Variants in PDE4D observed in about 807,000 individuals in gnomAD.
The protein encoded by PDE4D is phosphodiesterase 4D, also known as 3',5'-cyclic-AMP phosphodiesterase 4D.
A neutral mutation model predicts 87.4 loss-of-function variants in PDE4D; 24 were observed. The observed-to-expected ratio is 0.27, with a 90% CI of 0.20 to 0.39. The LOEUF (loss-of-function observed/expected upper bound fraction) is 0.39. PDE4D is among the 10% of genes least tolerant of loss of function. PDE4D has a pLI of 1.00. For missense variants in PDE4D, 714 were observed against 1,041.0 expected, an observed-to-expected ratio of 0.69 and a Z score of 4.32; for synonymous variants, 384 against 383.2, an observed-to-expected ratio of 1.00 and a Z score of -0.02.
At chr5:59,723,062 T>C (rs1756082036) in intron 1 of PDE4D, among the ~76,000 whole-genome samples, 2 of 152,122 alleles carry the variant, frequency 1.3e-5, no homozygotes, top group South Asian at 2.1e-4. Context: ...GACTCACCTC[T>C]GTGTCAAATA....
At chr5:60,194,771 A>G (rs1156934823) in intron 1 of PDE4D, among the ~76,000 whole-genome samples, 1 of 151,500 alleles carries the variant, frequency 6.6e-6, no homozygotes, top group African/African-American at 2.4e-5. Context: ...CCACTACCAC[A>G]GTCTTCCAGA....
At chr5:59,503,925 C>T (rs1055154353) in intron 1 of PDE4D, among the ~76,000 whole-genome samples, 2 of 152,234 alleles carry the variant, frequency 1.3e-5, no homozygotes, top group Non-Finnish European at 2.9e-5. Flanking sequence ...ATCTGTTATT[C>T]TGTATTCCCA....
chr5:60,396,216 A>C (rs907453089), intron 1 of PDE4D, among the ~76,000 whole-genome samples: 1 of 152,248 alleles, frequency 6.6e-6, no homozygotes, highest in Admixed American at 6.5e-5. Flanking sequence ...GATATGTTAA[A>C]ATAGATGATC....
chr5:60,108,094 G>C (rs1777225988), intron 2 of PDE4D, among the ~76,000 whole-genome samples: 1 of 151,836 alleles, frequency 6.6e-6, no homozygotes, highest in Non-Finnish European at 1.5e-5. Flanking sequence ...CGACATGATT[G>C]TATATCTAGA....
At chr5:58,981,720 A>T (rs764402264) in intron 11 of PDE4D, among the ~76,000 whole-genome samples, 2 of 152,070 alleles carry the variant, frequency 1.3e-5, no homozygotes, top group Non-Finnish European at 2.9e-5. Flanking sequence ...CAAGCACCTC[A>T]GCTGGTCATG....
chr5:59,072,460 C>A (rs777165510), intron 5 of PDE4D, among the ~76,000 whole-genome samples: 2 of 152,164 alleles, frequency 1.3e-5, no homozygotes, highest in Non-Finnish European at 2.9e-5. Context: ...TTTATTTAAT[C>A]CCTCTGTTTT....
intron 1 of PDE4D, among the ~76,000 whole-genome samples, chr5:60,331,954 C>CT (rs1229851027): frequency 6.6e-6 from 1 of 152,188 alleles, no homozygotes; most frequent in African/African-American, 2.4e-5. Context: ...CTCTGAATCT[C>CT]TAACAAGTCC....
intron 1 of PDE4D, among the ~76,000 whole-genome samples, chr5:60,202,937 G>A (rs78308484): frequency 0.029 from 4,399 of 152,258 alleles, 237 homozygotes; most frequent in African/African-American, 0.1. Context: ...GATGTGCAAA[G>A]ATGACAGTCA....
intron 1 of PDE4D, among the ~76,000 whole-genome samples, chr5:59,677,414 A>C (rs1376764147): frequency 6.6e-6 from 1 of 152,196 alleles, no homozygotes; most frequent in African/African-American, 2.4e-5. Context: ...TCATTTTATT[A>C]ACTCTTGTCA....
At chr5:60,470,848 C>G (rs560651322) in intron 1 of PDE4D, among the ~76,000 whole-genome samples, 31 of 152,244 alleles carry the variant, frequency 2.0e-4, no homozygotes, top group South Asian at 1.7e-3. Context: ...CTCAAGAGAT[C>G]TGATGAAGAA....
chr5:59,305,278 T>C (rs1337418342), intron 1 of PDE4D, among the ~76,000 whole-genome samples: 2 of 152,150 alleles, frequency 1.3e-5, no homozygotes, highest in African/African-American at 4.8e-5. Context: ...TTGGATTTTC[T>C]CTCTTCTTTT....
chr5:59,548,255 T>C (rs923976460), intron 1 of PDE4D, among the ~76,000 whole-genome samples: 2 of 152,212 alleles, frequency 1.3e-5, no homozygotes, highest in Non-Finnish European at 2.9e-5. Flanking sequence ...ATGAATATTT[T>C]CAATGTTAAG....
At chr5:60,073,160 ACT>A (rs1222825680) in intron 2 of PDE4D, among the ~76,000 whole-genome samples, 18 of 151,604 alleles carry the variant, frequency 1.2e-4, no homozygotes, top group Admixed American at 3.9e-4. Context: ...GTCATAGATA[ACT>A]CTTATTTTTC....
At chr5:59,394,280 T>A (rs669240) in intron 1 of PDE4D, among the ~76,000 whole-genome samples, 63,869 of 152,022 alleles carry the variant, frequency 0.42, 13,721 homozygotes, top group East Asian at 0.49. Context: ...CCAGAATCAG[T>A]GTCACTGTCA....
intron 1 of PDE4D, among the ~76,000 whole-genome samples, chr5:59,513,201 A>T (rs892533471): frequency 2.6e-5 from 4 of 152,146 alleles, no homozygotes; most frequent in African/African-American, 9.6e-5. Flanking sequence ...GAAGGATTTA[A>T]TATTATTTTT....
chr5:59,191,403 C>G (rs1447084226), intron 3 of PDE4D, among the ~76,000 whole-genome samples: 2 of 151,530 alleles, frequency 1.3e-5, no homozygotes, highest in African/African-American at 4.8e-5. Flanking sequence ...TATATTTTTT[C>G]TTATAATAAT....
chr5:60,506,596 A>T (rs1241774406), intron 1 of PDE4D, among the ~76,000 whole-genome samples: 1 of 151,572 alleles, frequency 6.6e-6, no homozygotes, highest in Non-Finnish European at 1.5e-5. Context: ...AGAATTTAGT[A>T]TTTTTTTTTA....
chr5:59,917,067 G>C (rs998720292), intron 3 of PDE4D, among the ~76,000 whole-genome samples: 1 of 145,880 alleles, frequency 6.9e-6, no homozygotes, highest in Non-Finnish European at 1.5e-5. Flanking sequence ...GGCTCCCAAA[G>C]TGCTGGGATT....
chr5:59,313,162 A>G (rs1773026657), intron 1 of PDE4D, among the ~76,000 whole-genome samples: 1 of 152,164 alleles, frequency 6.6e-6, no homozygotes, highest in African/African-American at 2.4e-5. Flanking sequence ...AGGTAGTGCT[A>G]TAAATATCCT....
Sources: gnomAD v4.1 joint callset for allele counts (sites outside exome capture counted in the v4.1 genomes callset) on GRCh38, gnomAD v4.1.1 for gene constraint, MANE v1.5 for transcripts, NCBI Gene and HGNC (gene_info 2026-07-23, HGNC 2026-07-21) for gene names.